The following GNG12 variants were observed in gnomAD, a reference collection of about 807,000 sequenced individuals.
GNG12 encodes the protein guanine nucleotide-binding protein G(I)/G(S)/G(O) subunit gamma-12.
For missense variants in GNG12, 69 were observed against 83.8 expected, an observed-to-expected ratio of 0.82 and a Z score of 0.69; for synonymous variants, 28 against 29.7, an observed-to-expected ratio of 0.94 and a Z score of 0.19.
chr1:67,794,029 C>G (rs191455068), intron 1 of GNG12, among the ~76,000 whole-genome samples: 16 of 152,286 alleles, frequency 1.1e-4, no homozygotes, highest in African/African-American at 3.6e-4. Context: ...GCACAAAAAC[C>G]TTTCTCCTCA....
At chr1:67,790,747 T>G (rs1186012582) in intron 1 of GNG12, among the ~76,000 whole-genome samples, 1 of 152,050 alleles carries the variant, frequency 6.6e-6, no homozygotes, top group Non-Finnish European at 1.5e-5. Context: ...GTAGCTGGGA[T>G]TACAGGCGTG....
chr1:67,806,000 T>C (rs767112386), intron 1 of GNG12, among the ~76,000 whole-genome samples: 157 of 151,628 alleles, frequency 1.0e-3, no homozygotes, highest in Non-Finnish European at 9.4e-4. Flanking sequence ...ATATAAAGTA[T>C]TGAGAGAAAA....
intron 2 of GNG12, among the ~76,000 whole-genome samples, chr1:67,741,772 G>C (rs1646483918): frequency 6.6e-6 from 1 of 152,206 alleles, no homozygotes; most frequent in Non-Finnish European, 1.5e-5. Flanking sequence ...TTGCAGACCT[G>C]TTTTATTTGG....
At chr1:67,717,963 C>T (rs1262779553) in intron 2 of GNG12, among the ~76,000 whole-genome samples, 1 of 152,144 alleles carries the variant, frequency 6.6e-6, no homozygotes, top group African/African-American at 2.4e-5. Flanking sequence ...ATAGTACTTA[C>T]CTTAAAGAGT....
At chr1:67,751,767 G>C (rs1646540149) in intron 2 of GNG12, among the ~76,000 whole-genome samples, 1 of 152,206 alleles carries the variant, frequency 6.6e-6, no homozygotes, top group Non-Finnish European at 1.5e-5. Flanking sequence ...GGTGGAAAGA[G>C]TTATCATGCA....
chr1:67,774,359 T>G (rs969406582), intron 2 of GNG12, among the ~76,000 whole-genome samples: 4 of 152,212 alleles, frequency 2.6e-5, no homozygotes, highest in Non-Finnish European at 5.9e-5. Context: ...CTTAATTGCA[T>G]TATTTTACAC....
At chr1:67,717,880 A>T (rs1646335416) in intron 2 of GNG12, among the ~76,000 whole-genome samples, 2 of 152,232 alleles carry the variant, frequency 1.3e-5, no homozygotes, top group African/African-American at 4.8e-5. Context: ...ATCCCGGCTC[A>T]TCACTTATTA....
At chr1:67,735,981 G>C (rs1255254270) in intron 2 of GNG12, among the ~76,000 whole-genome samples, 1 of 152,290 alleles carries the variant, frequency 6.6e-6, no homozygotes, top group East Asian at 1.9e-4. Flanking sequence ...TCTCACAAGG[G>C]AAAGAGCCAG....
intron 2 of GNG12, among the ~76,000 whole-genome samples, chr1:67,709,586 C>G (rs747505388): frequency 3.4e-4 from 51 of 151,690 alleles, no homozygotes; most frequent in Non-Finnish European, 6.9e-4. Flanking sequence ...CATTTCAACA[C>G]ATTCCCAGAG....
chr1:67,782,974 C>T (rs17130275), intron 1 of GNG12, among the ~76,000 whole-genome samples: 12,579 of 152,140 alleles, frequency 0.083, 647 homozygotes, highest in African/African-American at 0.12. Context: ...GTTTGAATGT[C>T]GGATCCTCAA....
In GNG12 at chr1:67,827,711, G is replaced by T. The variant is rs917510284; in HGVS notation, c.-77+5633C>A. Among the ~76,000 whole-genome samples, 13 of 151,550 alleles carry T rather than the reference G, an allele frequency of 8.6e-5. No homozygotes were observed. The East Asian group carries it at 2.1e-3, about 25-fold the overall frequency. ...AAGTGCTGGGATTACAGGCGTGAGC[G>T]ACTGCACCCAGCCAACACTCCAGTT... is the stretch of plus-strand genomic sequence containing the variant. On this transcript the variant is annotated intron_variant, in intron 1 of 3. Transcript: ENST00000370982.
intron 1 of GNG12, among the ~76,000 whole-genome samples, chr1:67,795,368 G>A (rs924909716): frequency 3.3e-5 from 5 of 152,170 alleles, no homozygotes; most frequent in South Asian, 2.1e-4. Flanking sequence ...TTTTTCAACC[G>A]CACGCACCTT....
In GNG12 at chr1:67,832,112, C is replaced by G. The variant is rs1014756287; in HGVS notation, c.-77+1232G>C. Among the ~76,000 whole-genome samples, 4 of 152,314 alleles carry G rather than the reference C, an allele frequency of 2.6e-5. No homozygotes were observed. In the East Asian group the frequency reaches 7.7e-4, roughly 29 times the overall value. On this transcript the variant is annotated intron_variant, in intron 1 of 3. Transcript: ENST00000370982. Reference sequence around the variant, plus strand: ...CCGCCCCAGGAAATATAAACTGTGTCGGCAAAGACAGCAGGGGGGAGAGGA... The same window carrying G: ...CCGCCCCAGGAAATATAAACTGTGTGGGCAAAGACAGCAGGGGGGAGAGGA...
intron 2 of GNG12, among the ~76,000 whole-genome samples, chr1:67,755,530 CCTCACACTATAAGGT>C (rs1392827448): frequency 6.6e-6 from 1 of 152,174 alleles, no homozygotes; most frequent in Non-Finnish European, 1.5e-5. Flanking sequence ...CGTCTTCCGG[CCTCACACTATAAGGT>C]CTCACAACCT....
At chr1:67,799,903 T>C (rs925324557) in intron 1 of GNG12, among the ~76,000 whole-genome samples, 2 of 152,216 alleles carry the variant, frequency 1.3e-5, no homozygotes, top group African/African-American at 4.8e-5. Context: ...TTTTGGTTTC[T>C]GCTTCTAAAT....
At chr1:67,771,232 T>C (rs1173550226) in intron 2 of GNG12, among the ~76,000 whole-genome samples, 2 of 152,250 alleles carry the variant, frequency 1.3e-5, no homozygotes, top group Non-Finnish European at 2.9e-5. Context: ...ATTAGTTACA[T>C]ACAGTTAACC....
At chr1:67,801,378 G>C (rs1446321642) in intron 1 of GNG12, among the ~76,000 whole-genome samples, 1 of 152,188 alleles carries the variant, frequency 6.6e-6, no homozygotes, top group African/African-American at 2.4e-5. Flanking sequence ...ATCTGTTCAA[G>C]GTCACATAGC....
At position 67,702,421 on chromosome 1, in the gene GNG12, C is replaced by G. The variant is rs1288176505; in HGVS notation, c.*3030G>C. ...CACATCCTCCACTACGTAAGCTACC[C>G]TATGCCTCAAAATTACTAAATCATT... On this transcript the variant is annotated 3_prime_UTR_variant, in exon 4 of 4. Coordinates refer to ENST00000370982, the MANE Select transcript of GNG12 (RefSeq NM_018841.6). The G allele has an allele frequency of 1.3e-5, 2 of 152,116 alleles. No individual in the cohort carries two copies. Among genetic ancestry groups the G allele is most frequent in the Non-Finnish European group, 2.9e-5 (2 of 68,014 alleles). The allele number at this position is 152,116 out of a possible 1,614,324, so 9.4% of individuals were successfully genotyped here.
chr1:67,780,745 G>C (rs1646733003), intron 1 of GNG12, among the ~76,000 whole-genome samples: 1 of 152,176 alleles, frequency 6.6e-6, no homozygotes, highest in South Asian at 2.1e-4. Flanking sequence ...TTCAATACCA[G>C]AGGGAGAAGA....
Sources: gnomAD v4.1 joint callset for allele counts (sites outside exome capture counted in the v4.1 genomes callset) on GRCh38, gnomAD v4.1.1 for gene constraint, MANE v1.5 for transcripts, NCBI Gene and HGNC (gene_info 2026-07-23, HGNC 2026-07-21) for gene names.